Variants in NIBAN1 observed in about 807,000 individuals in gnomAD.
The protein encoded by NIBAN1 is protein Niban 1.
A neutral mutation model predicts 75.1 loss-of-function variants in NIBAN1; 81 were observed. The ratio of observed to expected loss-of-function variants is 1.08; its 90% CI spans 0.90 to 1.30. NIBAN1 has a LOEUF of 1.30. Ranked by LOEUF, NIBAN1 falls within the 50% of genes most tolerant of loss-of-function variation. The pLI is 0.00. For missense variants in NIBAN1, 1,133 were observed against 1,128.1 expected (o/e 1.00, Z -0.06); for synonymous variants, 436 against 424.8 (o/e 1.03, Z -0.32).
intron 1 of NIBAN1, among the ~76,000 whole-genome samples, chr1:184,928,931 C>T (rs764299870): frequency 4.6e-5 from 7 of 152,140 alleles, no homozygotes; most frequent in East Asian, 1.9e-4. Context: ...TTCATTTTCA[C>T]GTGATGCACA....
chr1:184,824,349 C>A (rs549712962), intron 6 of NIBAN1, among the ~76,000 whole-genome samples: 1 of 152,272 alleles, frequency 6.6e-6, no homozygotes, highest in South Asian at 2.1e-4. Flanking sequence ...TCCCACCATG[C>A]AGTGCCTTCA....
intron 5 of NIBAN1, among the ~76,000 whole-genome samples, chr1:184,851,912 T>C (rs487685): frequency 0.58 from 88,361 of 151,394 alleles, 26,228 homozygotes; most frequent in African/African-American, 0.68. Flanking sequence ...AAAATGGTCC[T>C]GGGCAGTTTG....
Position 184,823,160 on chromosome 1 carries a change from TACTG to T in NIBAN1, c.985+3_985+6del, listed in dbSNP as rs1654749217. 2 of 1,613,850 alleles carry T rather than the reference TACTG, an allele frequency of 1.2e-6. No individual in the cohort carries two copies. Among genetic ancestry groups the T allele is most frequent in the East Asian group, 4.5e-5 (2 of 44,888 alleles). ...AATTAGTAAGAGCATGGATTATCTC[TACTG>T]ACCTTTGATCTTTCCAATTAAATAG... On this transcript the variant is annotated splice_donor_5th_base_variant and intron_variant, in intron 8 of 13. Transcript: ENST00000367511.
chr1:184,897,696 G>A lies in NIBAN1; in HGVS notation c.186+1483C>T, dbSNP rs1432964332. Among the ~76,000 whole-genome samples the A allele has an allele frequency of 3.3e-5, 5 of 152,122 alleles. No individual in the cohort carries two copies. The East Asian group carries it at 7.7e-4, about 23-fold the overall frequency. ...ACTTAACATGGCCAAAAGGGAACTC[G>A]TGATCCCATTCACTCCGACTCTTCC... On this transcript the variant is annotated intron_variant, in intron 2 of 13. Coordinates refer to ENST00000367511, the MANE Select transcript of NIBAN1 (RefSeq NM_052966.4).
chr1:184,800,111 G>A (rs1272948985), intron 12 of NIBAN1, among the ~76,000 whole-genome samples: 1 of 144,952 alleles, frequency 6.9e-6, no homozygotes, highest in African/African-American at 2.6e-5. Context: ...TTCTCTGATG[G>A]CCAGTGATGG....
chr1:184,947,242 G>A (rs531048909), intron 1 of NIBAN1, among the ~76,000 whole-genome samples: 4 of 152,234 alleles, frequency 2.6e-5, no homozygotes, highest in Non-Finnish European at 5.9e-5. Context: ...GATAGAAAGC[G>A]ATGCTATGAA....
rs115215527 is a variant in NIBAN1 at position 184,818,489 on chromosome 1, G to C, written c.1173+149C>G. 13 of 734,452 alleles carry C rather than the reference G, an allele frequency of 1.8e-5. No homozygotes were observed. The South Asian group carries it at 3.2e-4, about 18-fold the overall frequency. The allele number at this position is 734,452 out of a possible 1,614,324, so 45.5% of individuals were successfully genotyped here. On this transcript the variant is annotated intron_variant, in intron 9 of 13. Transcript: ENST00000367511. ...AGATGAATGGTGGGTCTGAATGAAC[G>C]GAAGAAAGGCTGGATGAATGGAGGG...
At chr1:184,881,564 T>C (rs1466586515) in intron 5 of NIBAN1, among the ~76,000 whole-genome samples, 2 of 151,858 alleles carry the variant, frequency 1.3e-5, no homozygotes, top group African/African-American at 4.8e-5. Flanking sequence ...TCAGGGCGAG[T>C]GCACAGTGCA....
chr1:184,927,748 T>A (rs561070610), intron 1 of NIBAN1, among the ~76,000 whole-genome samples: 1 of 151,920 alleles, frequency 6.6e-6, no homozygotes, highest in Non-Finnish European at 1.5e-5. Context: ...GAATGGTGAG[T>A]TCCCCCCAGG....
At chr1:184,906,948 A>G (rs931587587) in intron 1 of NIBAN1, among the ~76,000 whole-genome samples, 3 of 152,212 alleles carry the variant, frequency 2.0e-5, no homozygotes, top group Non-Finnish European at 4.4e-5. Context: ...CTTGGAAGAT[A>G]CTATTTATAG....
chr1:184,878,972 A>G (rs1656304158), intron 5 of NIBAN1, among the ~76,000 whole-genome samples: 1 of 152,180 alleles, frequency 6.6e-6, no homozygotes, highest in Non-Finnish European at 1.5e-5. Flanking sequence ...CCTAAGTAAA[A>G]ACCACATACT....
At chr1:184,882,318 A>C (rs1270258479) in intron 5 of NIBAN1, among the ~76,000 whole-genome samples, 7 of 152,230 alleles carry the variant, frequency 4.6e-5, no homozygotes, top group Non-Finnish European at 1.0e-4. Context: ...AGAACAGAAA[A>C]TGTGACACAA....
In NIBAN1 at chr1:184,798,021, A is replaced by G. The variant is rs1258073700; in HGVS notation, c.1666+58T>C. ...TCCCTGACTGGCCTTACAGAGTCCTATTTCAGGGATGCTCCCCTCTATGGA... is the reference window on the plus strand; with the variant it reads ...TCCCTGACTGGCCTTACAGAGTCCTGTTTCAGGGATGCTCCCCTCTATGGA... On this transcript the variant is annotated intron_variant, in intron 13 of 13. Transcript: ENST00000367511. The G allele has an allele frequency of 1.9e-5, 22 of 1,141,608 alleles. No individual in the cohort carries two copies. In the South Asian group the frequency reaches 2.5e-4, roughly 13 times the overall value. The allele number at this position is 1,141,608 out of a possible 1,614,324, so 70.7% of individuals were successfully genotyped here.
chr1:184,871,375 A>ATG, intron 5 of NIBAN1, among the ~76,000 whole-genome samples: 1 of 146,422 alleles, frequency 6.8e-6, no homozygotes, highest in South Asian at 2.2e-4. Context: ...AAAAAAAAAG[A>ATG]GGAAAATGTG....
chr1:184,857,599 G>T (rs2102271672), intron 5 of NIBAN1, among the ~76,000 whole-genome samples: 1 of 152,260 alleles, frequency 6.6e-6, no homozygotes, highest in Non-Finnish European at 1.5e-5. Flanking sequence ...CGACTGAATT[G>T]TAAGTGGAAA....
intron 5 of NIBAN1, among the ~76,000 whole-genome samples, chr1:184,844,977 A>C (rs1168604944): frequency 6.6e-6 from 1 of 152,270 alleles, no homozygotes; most frequent in South Asian, 2.1e-4. Flanking sequence ...GTAGAACTTC[A>C]GTAGTCATGT....
intron 5 of NIBAN1, among the ~76,000 whole-genome samples, chr1:184,865,355 G>A (rs1334935031): frequency 2.0e-5 from 3 of 152,104 alleles, no homozygotes; most frequent in Non-Finnish European, 4.4e-5. Context: ...ATTAACACAG[G>A]AGCAGAAAAC....
intron 5 of NIBAN1, among the ~76,000 whole-genome samples, chr1:184,843,528 A>C (rs550354071): frequency 4.2e-4 from 64 of 152,210 alleles, no homozygotes; most frequent in African/African-American, 1.4e-3. Context: ...GATTCATTGA[A>C]CATGCTTTCC....
intron 1 of NIBAN1, among the ~76,000 whole-genome samples, chr1:184,899,952 G>T (rs1295282002): frequency 6.6e-6 from 1 of 151,932 alleles, no homozygotes; most frequent in African/African-American, 2.4e-5. Flanking sequence ...GAGTAGCTGG[G>T]ATTACATGTA....
Sources: allele counts gnomAD v4.1 joint callset (sites outside exome capture counted in the v4.1 genomes callset), GRCh38; gene constraint gnomAD v4.1.1; transcripts MANE v1.5; gene names NCBI Gene and HGNC (gene_info 2026-07-23, HGNC 2026-07-21).